The following SH3RF3 variants were observed in gnomAD, a reference collection of about 807,000 sequenced individuals.
SH3RF3 encodes E3 ubiquitin-protein ligase SH3RF3.
In SH3RF3, 29 loss-of-function variants were observed where a neutral mutation model predicts 66.3. The ratio of observed to expected loss-of-function variants is 0.44; its 90% confidence interval spans 0.33 to 0.60. The LOEUF (loss-of-function observed/expected upper bound fraction) is 0.60. Ranked by LOEUF, SH3RF3 falls within the 20% of genes least tolerant of loss-of-function variation. The pLI, the probability that SH3RF3 is intolerant of heterozygous loss-of-function variation, is 0.04. For synonymous variants in SH3RF3, 583 were observed against 532.0 expected, an observed-to-expected ratio of 1.10 and a Z score of -1.32; for missense variants, 1,194 against 1,190.9, an observed-to-expected ratio of 1.00 and a Z score of -0.04.
chr2:109,137,639 T>A (rs1376083884), intron 1 of SH3RF3, among the ~76,000 whole-genome samples: 1 of 152,242 alleles, frequency 6.6e-6, no homozygotes, highest in Non-Finnish European at 1.5e-5. Flanking sequence ...ATTCCATTTG[T>A]TGCTCTAGGA....
At chr2:109,355,097 A>G (rs1229231201) in intron 2 of SH3RF3, among the ~76,000 whole-genome samples, 1 of 152,228 alleles carries the variant, frequency 6.6e-6, no homozygotes, top group Non-Finnish European at 1.5e-5. Flanking sequence ...CCACTGCCAT[A>G]TGGTAACGGC....
intron 1 of SH3RF3, among the ~76,000 whole-genome samples, chr2:109,343,479 G>A (rs1025291742): frequency 3.3e-5 from 5 of 152,102 alleles, no homozygotes; most frequent in East Asian, 1.9e-4. Context: ...GATACAGGGG[G>A]CTCTCTTGCC....
chr2:109,242,912 A>G (rs973973829), intron 1 of SH3RF3, among the ~76,000 whole-genome samples: 1 of 152,220 alleles, frequency 6.6e-6, no homozygotes, highest in Non-Finnish European at 1.5e-5. Context: ...ACAGAACAGC[A>G]TTAGGAAATC....
intron 6 of SH3RF3, 48 bp downstream of exon 6, chr2:109,432,719 G>T (rs1331972937): frequency 6.3e-7 from 1 of 1,575,726 alleles, no homozygotes; most frequent in African/African-American, 1.3e-5. Flanking sequence ...GCAAGGGCCT[G>T]CACGCCTTAC....
chr2:109,318,625 G>T (rs1681943219), intron 1 of SH3RF3, among the ~76,000 whole-genome samples: 1 of 152,206 alleles, frequency 6.6e-6, no homozygotes, highest in South Asian at 2.1e-4. Flanking sequence ...CACACTGGGG[G>T]CAGCATTTGT....
chr2:109,470,334 G>C (rs1678469921), intron 8 of SH3RF3, among the ~76,000 whole-genome samples: 1 of 152,164 alleles, frequency 6.6e-6, no homozygotes, highest in South Asian at 2.1e-4. Context: ...GTAGACTCCT[G>C]CTCCATCTGG....
intron 1 of SH3RF3, among the ~76,000 whole-genome samples, chr2:109,156,629 A>G (rs1172444519): frequency 6.6e-6 from 1 of 152,088 alleles, no homozygotes; most frequent in Admixed American, 6.5e-5. Context: ...TATTTTTAGT[A>G]GAGATGGGGT....
intron 9 of SH3RF3, among the ~76,000 whole-genome samples, chr2:109,492,758 T>C (rs1156907239): frequency 6.6e-6 from 1 of 152,092 alleles, no homozygotes; most frequent in East Asian, 1.9e-4. Context: ...TACCTCTCTG[T>C]AGGGTGCGCA....
At chr2:109,339,086 C>T (rs1225205964) in intron 1 of SH3RF3, among the ~76,000 whole-genome samples, 1 of 152,194 alleles carries the variant, frequency 6.6e-6, no homozygotes, top group Non-Finnish European at 1.5e-5. Context: ...TCTACATCTT[C>T]ATCATCTTCA....
chr2:109,276,409 C>A (rs1204439607), intron 1 of SH3RF3, among the ~76,000 whole-genome samples: 1 of 152,182 alleles, frequency 6.6e-6, no homozygotes, highest in Non-Finnish European at 1.5e-5. Flanking sequence ...GAGTGACTGT[C>A]AGTCCAGGCC....
intron 8 of SH3RF3, among the ~76,000 whole-genome samples, chr2:109,459,191 G>A (rs1573269183): frequency 1.3e-5 from 2 of 152,108 alleles, no homozygotes; most frequent in Middle Eastern, 3.4e-3. Context: ...TATATTACAT[G>A]GTGAGATAAG....
intron 1 of SH3RF3, among the ~76,000 whole-genome samples, chr2:109,260,003 G>C (rs1680311964): frequency 2.0e-5 from 3 of 152,330 alleles, no homozygotes; most frequent in Admixed American, 1.3e-4. Flanking sequence ...TCTCCGGCCA[G>C]AGATATCTTT....
chr2:109,350,378 C>G (rs1419452101), intron 2 of SH3RF3, among the ~76,000 whole-genome samples: 2 of 152,122 alleles, frequency 1.3e-5, no homozygotes, highest in African/African-American at 2.4e-5. Flanking sequence ...ATCACAGATT[C>G]TTTGTTCAAG....
intron 1 of SH3RF3, among the ~76,000 whole-genome samples, chr2:109,224,966 A>C (rs1679337872): frequency 6.6e-6 from 1 of 152,164 alleles, no homozygotes; most frequent in South Asian, 2.1e-4. Context: ...GCATAACCTT[A>C]TCTTTTTAAA....
intron 1 of SH3RF3, among the ~76,000 whole-genome samples, chr2:109,300,582 G>C (rs1305671392): frequency 6.6e-6 from 1 of 152,158 alleles, no homozygotes; most frequent in Non-Finnish European, 1.5e-5. Context: ...ATGGTTAGGG[G>C]TATGATTGGC....
intron 1 of SH3RF3, among the ~76,000 whole-genome samples, chr2:109,169,775 A>AC (rs1487224289): frequency 2.6e-5 from 4 of 151,200 alleles, no homozygotes; most frequent in East Asian, 1.9e-4. Context: ...CACACACATG[A>AC]CCCCCCAAAA....
At chr2:109,194,790 G>C (rs928700162) in intron 1 of SH3RF3, among the ~76,000 whole-genome samples, 1 of 152,100 alleles carries the variant, frequency 6.6e-6, no homozygotes, top group Non-Finnish European at 1.5e-5. Flanking sequence ...TGGTTGTCAG[G>C]GCAACCAAAA....
chr2:109,332,400 G>A (rs1016417687), intron 1 of SH3RF3, among the ~76,000 whole-genome samples: 1 of 152,060 alleles, frequency 6.6e-6, no homozygotes, highest in Non-Finnish European at 1.5e-5. Context: ...ACACTCCCGC[G>A]ACTCCCCCAG....
At chr2:109,299,487 C>T (rs760893848) in intron 1 of SH3RF3, among the ~76,000 whole-genome samples, 6 of 151,884 alleles carry the variant, frequency 4.0e-5, no homozygotes, top group Admixed American at 1.3e-4. Context: ...AGCAGGGAGA[C>T]CTCCCATGAT....
Sources: gnomAD v4.1 joint callset for allele counts (sites outside exome capture counted in the v4.1 genomes callset) on GRCh38, gnomAD v4.1.1 for gene constraint, MANE v1.5 for transcripts, NCBI Gene and HGNC (gene_info 2026-07-23, HGNC 2026-07-21) for gene names.